Variants in SMARCAL1 observed in about 807,000 individuals in gnomAD.
The protein encoded by SMARCAL1 is SNF2 related chromatin remodeling annealing helicase 1.
Under a neutral mutation model 94.5 loss-of-function variants are expected in SMARCAL1, and 58 were observed. The ratio of observed to expected loss-of-function variants is 0.61; its 90% CI spans 0.50 to 0.76. SMARCAL1 has a LOEUF of 0.76. SMARCAL1 is among the 30% of genes least tolerant of loss of function. SMARCAL1 has a pLI of 0.00. For synonymous variants in SMARCAL1, 422 were observed against 455.1 expected (o/e 0.93, Z 0.93); for missense variants, 1,051 against 1,177.9 (o/e 0.89, Z 1.58).
chr2:216,435,543 T>C lies in SMARCAL1; in HGVS notation c.1644+47T>C, dbSNP rs143916167. On this transcript the variant is annotated intron_variant, in intron 9 of 17. Transcript: ENST00000357276. ...TTAAGTACTTTATCTCTCTGGAAAC[T>C]TTCTTTGTAAAAGCTCTGAGAACTT... 283 of 1,550,058 alleles carry C rather than the reference T, an allele frequency of 1.8e-4. 3 individuals are homozygous for C. The African/African-American group carries it at 3.1e-3, about 17-fold the overall frequency.
At chr2:216,477,829 T>C (rs1361600850) in intron 16 of SMARCAL1, among the ~76,000 whole-genome samples, 1 of 152,204 alleles carries the variant, frequency 6.6e-6, no homozygotes, top group African/African-American at 2.4e-5. Flanking sequence ...GTTTCCAGCC[T>C]TATGACTAAG....
chr2:216,422,638 G>C (rs1693749239), intron 5 of SMARCAL1, among the ~76,000 whole-genome samples: 1 of 152,180 alleles, frequency 6.6e-6, no homozygotes, highest in Non-Finnish European at 1.5e-5. Flanking sequence ...TGTCTGCTTT[G>C]TTCCTTCCAT....
chr2:216,461,974 T>A (rs1441335080), intron 12 of SMARCAL1, among the ~76,000 whole-genome samples: 1 of 152,244 alleles, frequency 6.6e-6, no homozygotes, highest in Non-Finnish European at 1.5e-5. Flanking sequence ...AAAAGTAGCT[T>A]ACATAGAAAT....
intron 10 of SMARCAL1, among the ~76,000 whole-genome samples, chr2:216,439,883 G>T (rs909722408): frequency 6.6e-6 from 1 of 152,044 alleles, no homozygotes; most frequent in Non-Finnish European, 1.5e-5. Context: ...GCAACATGAC[G>T]AAATCCCGTC....
chr2:216,439,575 C>T (rs75297798), intron 10 of SMARCAL1, among the ~76,000 whole-genome samples: 1,953 of 152,230 alleles, frequency 0.013, 22 homozygotes, highest in Non-Finnish European at 0.019. Flanking sequence ...TTTACCTAAA[C>T]TAGGGAAAAC....
At chr2:216,447,213 C>T in intron 11 of SMARCAL1, 55 bp downstream of exon 11, 2 of 1,567,820 alleles carry the variant, frequency 1.3e-6, no homozygotes, top group South Asian at 1.1e-5. Context: ...GATTTTGACA[C>T]TTATCTTTCT....
intron 17 of SMARCAL1, among the ~76,000 whole-genome samples, chr2:216,480,611 G>T (rs1189774776): frequency 6.6e-6 from 1 of 152,174 alleles, no homozygotes; most frequent in African/African-American, 2.4e-5. Flanking sequence ...GCAAGGCTGG[G>T]ATCCTGAAAG....
Position 216,477,186 on chromosome 2 carries a change from G to A in SMARCAL1, c.2505G>A (p.Lys835=), listed in dbSNP as rs1424377069. The A allele has an allele frequency of 1.9e-6, 3 of 1,597,176 alleles. No homozygotes were observed. The highest frequency in any genetic ancestry group is 1.1e-5 in the South Asian group (1 of 87,748). ...TGGGCATTCACTACCTCGTGGCAAA[G>A]GGCACAGCTGATGACTACCTTTGGT... ...SSVGIHYLVA[K]GTADDYLWPL... is the part of the protein sequence containing the mutation. Residue 835 remains lysine, a synonymous_variant, in exon 16 of 18, where the codon AAG becomes AAA. Coordinates refer to ENST00000357276, the MANE Select transcript of SMARCAL1 (RefSeq NM_014140.4).
intron 10 of SMARCAL1, among the ~76,000 whole-genome samples, chr2:216,440,038 T>C (rs1694164885): frequency 8.1e-6 from 1 of 123,268 alleles, no homozygotes; most frequent in Non-Finnish European, 1.6e-5. Context: ...TGAGACTCTG[T>C]CTCAAAAAAA....
intron 6 of SMARCAL1, 136 bp downstream of exon 6, chr2:216,423,819 G>A: frequency 1.3e-6 from 1 of 787,650 alleles, no homozygotes; most frequent in Non-Finnish European, 2.2e-6. Context: ...GTAAGTAAAG[G>A]TGAGGATGCA....
chr2:216,427,239 T>TA (rs1693854918), intron 6 of SMARCAL1: 1 of 152,196 alleles, frequency 6.6e-6, no homozygotes, highest in African/African-American at 2.4e-5. Context: ...GAAAGGACAG[T>TA]AGAGACAGTC....
At chr2:216,415,879 G>GAAC in intron 3 of SMARCAL1, 2 of 400,222 alleles carry the variant, frequency 5.0e-6, no homozygotes, top group Admixed American at 3.9e-5. Flanking sequence ...TTAAGTGACA[G>GAAC]GCCCAGTTTC....
chr2:216,476,634 T>C lies in SMARCAL1; in HGVS notation c.2428-475T>C, dbSNP rs569855801. ...AGCCCTTAAGTATTTATTATAAGGC[T>C]TACCACTATATTAAACCACCACCCT... On this transcript the variant is annotated intron_variant, in intron 15 of 17. Coordinates refer to ENST00000357276, the MANE Select transcript of SMARCAL1 (RefSeq NM_014140.4). 3.7e-4 allele frequency among the ~76,000 whole-genome samples: 56 copies of C among 152,338 alleles called. No individual in the cohort carries two copies. The Middle Eastern group carries it at 0.01, about 28-fold the overall frequency.
At chr2:216,444,534 A>G (rs1190389303) in intron 10 of SMARCAL1, among the ~76,000 whole-genome samples, 1 of 152,120 alleles carries the variant, frequency 6.6e-6, no homozygotes, top group Non-Finnish European at 1.5e-5. Flanking sequence ...TTTTTTTGAG[A>G]CAGAGTTTCA....
At chr2:216,425,292 C>T (rs894314031) in intron 6 of SMARCAL1, among the ~76,000 whole-genome samples, 1 of 152,236 alleles carries the variant, frequency 6.6e-6, no homozygotes, top group Admixed American at 6.5e-5. Context: ...GACTGTGGCA[C>T]AGGCACCAGC....
intron 11 of SMARCAL1, among the ~76,000 whole-genome samples, chr2:216,448,518 T>C (rs1170247124): frequency 6.6e-6 from 1 of 152,224 alleles, no homozygotes; most frequent in Non-Finnish European, 1.5e-5. Flanking sequence ...GGCATTATCT[T>C]TGAATTCTCC....
intron 6 of SMARCAL1, among the ~76,000 whole-genome samples, chr2:216,425,766 G>A (rs928489057): frequency 3.3e-5 from 5 of 152,202 alleles, no homozygotes; most frequent in African/African-American, 9.7e-5. Context: ...GTTTTTATGG[G>A]CTCAGAATGG....
intron 8 of SMARCAL1, 112 bp downstream of exon 8, chr2:216,432,980 G>T: frequency 7.2e-7 from 1 of 1,388,758 alleles, no homozygotes; most frequent in South Asian, 1.2e-5. Context: ...CCTGTCTCAA[G>T]TAAAGGCAAA....
chr2:216,438,286 C>G, intron 9 of SMARCAL1, 134 bp from the exon 10 acceptor site: 1 of 760,634 alleles, frequency 1.3e-6, no homozygotes, highest in Non-Finnish European at 2.3e-6. Flanking sequence ...CCCAGTGAGC[C>G]ATCTCCTTGA....
Sources: allele counts gnomAD v4.1 joint callset (sites outside exome capture counted in the v4.1 genomes callset), GRCh38; gene constraint gnomAD v4.1.1; transcripts MANE v1.5; gene names NCBI Gene and HGNC (gene_info 2026-07-23, HGNC 2026-07-21).